POU6F2: variants seen among roughly 807,000 people sequenced by gnomAD.
POU6F2 encodes the protein POU domain, class 6, transcription factor 2.
In POU6F2, 31 loss-of-function variants were observed where a neutral mutation model predicts 71.3. The ratio of observed to expected loss-of-function variants is 0.43; its 90% CI spans 0.33 to 0.59. POU6F2 has a LOEUF of 0.59. Among genes scored for constraint, POU6F2 ranks in the 20% least tolerant of loss-of-function variants. POU6F2 has a pLI of 0.04. For missense variants in POU6F2, 783 were observed against 856.8 expected, an observed-to-expected ratio of 0.91 and a Z score of 1.07; for synonymous variants, 347 against 355.7, an observed-to-expected ratio of 0.98 and a Z score of 0.27.
At position 39,352,350 on chromosome 7, in the gene POU6F2, G is replaced by C. The variant is rs141715502; in HGVS notation, c.972+12335G>C. ...CATACCTGTCCCCACTGTCTTTCAT[G>C]CAGCAATCACAGTGCATTTGAGATT... On this transcript the variant is annotated intron_variant, in intron 5 of 9. Coordinates refer to ENST00000518318, the MANE Select transcript of POU6F2 (RefSeq NM_001370959.1). Among the ~76,000 whole-genome samples the C allele has an allele frequency of 4.6e-3, 699 of 152,288 alleles. 5 individuals are homozygous for C. Among genetic ancestry groups the C allele is most frequent in the African/African-American group, 0.014 (585 of 41,564 alleles).
At position 39,339,980 on chromosome 7, in the gene POU6F2, CT is replaced by C; in HGVS notation, c.938del (p.Leu313ArgfsTer18). The C allele has an allele frequency of 6.2e-7, 1 of 1,612,958 alleles. No individual in the cohort carries two copies. Among genetic ancestry groups the C allele is most frequent in the Middle Eastern group, 1.7e-4 (1 of 6,058 alleles). ...ACCTAGTCAGTCTCCAGGACATGGC[CT>C]GCCTTCACCGCTCACGCCACCCAAT... ...QKPSQSPGHG[L>X]PSPLTPPNPL... On this transcript the variant is annotated frameshift_variant, in exon 5 of 10. Coordinates refer to ENST00000518318, the MANE Select transcript of POU6F2 (RefSeq NM_001370959.1). LOFTEE classifies it high-confidence loss of function.
At chr7:39,396,416 C>G (rs1787175559) in intron 5 of POU6F2, among the ~76,000 whole-genome samples, 1 of 152,186 alleles carries the variant, frequency 6.6e-6, no homozygotes, top group South Asian at 2.1e-4. Flanking sequence ...TGCTCCCAAG[C>G]TCCCTAGGTG....
At chr7:39,134,792 T>C (rs1792356396) in intron 2 of POU6F2, among the ~76,000 whole-genome samples, 1 of 152,184 alleles carries the variant, frequency 6.6e-6, no homozygotes, top group Admixed American at 6.5e-5. Flanking sequence ...TAGTCTCTGT[T>C]CCGGAGATTC....
chr7:39,008,842 G>T (rs1219951535), intron 1 of POU6F2, among the ~76,000 whole-genome samples: 3 of 150,068 alleles, frequency 2.0e-5, no homozygotes, highest in African/African-American at 7.3e-5. Context: ...TAGATATGCG[G>T]CGTTATTTCT....
intron 2 of POU6F2, among the ~76,000 whole-genome samples, chr7:39,195,212 G>T (rs1793761176): frequency 6.6e-6 from 1 of 152,082 alleles, no homozygotes. Flanking sequence ...GCAGGTCCAC[G>T]GTCTGTGATC....
intron 4 of POU6F2, among the ~76,000 whole-genome samples, chr7:39,228,413 C>T (rs960976011): frequency 9.9e-5 from 15 of 152,174 alleles, no homozygotes; most frequent in African/African-American, 2.9e-4. Context: ...CCCACCAAAA[C>T]GTCCTCTAAC....
At chr7:39,094,855 T>C (rs1791424459) in intron 2 of POU6F2, among the ~76,000 whole-genome samples, 1 of 152,186 alleles carries the variant, frequency 6.6e-6, no homozygotes, top group Non-Finnish European at 1.5e-5. Context: ...GAAACCCACA[T>C]GTTCCTGTAT....
intron 7 of POU6F2, among the ~76,000 whole-genome samples, chr7:39,449,069 G>T (rs1788592450): frequency 6.6e-6 from 1 of 152,166 alleles, no homozygotes; most frequent in South Asian, 2.1e-4. Flanking sequence ...AACTGTCTTT[G>T]GTTTGTAATC....
At chr7:39,156,484 TA>T (rs1343137684) in intron 2 of POU6F2, among the ~76,000 whole-genome samples, 3 of 152,200 alleles carry the variant, frequency 2.0e-5, no homozygotes, top group African/African-American at 4.8e-5. Flanking sequence ...TAGGAAACTA[TA>T]CAGCATGAAA....
intron 4 of POU6F2, among the ~76,000 whole-genome samples, chr7:39,264,152 T>C (rs1784197912): frequency 6.6e-6 from 1 of 152,206 alleles, no homozygotes; most frequent in East Asian, 1.9e-4. Context: ...TGAGCCCAGC[T>C]TCCCCACTTC....
At chr7:39,147,205 C>T (rs749099521) in intron 2 of POU6F2, among the ~76,000 whole-genome samples, 13 of 152,078 alleles carry the variant, frequency 8.5e-5, no homozygotes, top group African/African-American at 1.2e-4. Flanking sequence ...GTTGTATATT[C>T]GGTTGGTACA....
At chr7:39,404,329 C>T (rs1787370530) in intron 5 of POU6F2, among the ~76,000 whole-genome samples, 1 of 152,216 alleles carries the variant, frequency 6.6e-6, no homozygotes, top group African/African-American at 2.4e-5. Context: ...CTGAACAACA[C>T]ACTAGTGTCC....
At chr7:39,186,364 C>T (rs145387022) in intron 2 of POU6F2, among the ~76,000 whole-genome samples, 57 of 152,268 alleles carry the variant, frequency 3.7e-4, no homozygotes, top group African/African-American at 1.3e-3. Flanking sequence ...TCTGAGCAAG[C>T]GTTTGCTACT....
chr7:39,398,051 C>T (rs1787214515), intron 5 of POU6F2, among the ~76,000 whole-genome samples: 1 of 151,370 alleles, frequency 6.6e-6, no homozygotes, highest in South Asian at 2.1e-4. Context: ...AAAAAAAAAA[C>T]ATTCAGACAA....
intron 5 of POU6F2, among the ~76,000 whole-genome samples, chr7:39,355,948 C>T (rs770080431): frequency 5.3e-5 from 8 of 152,074 alleles, no homozygotes; most frequent in Admixed American, 2.0e-4. Flanking sequence ...GAAGCTGTGT[C>T]CCTCAGGAAG....
intron 7 of POU6F2, among the ~76,000 whole-genome samples, chr7:39,444,242 T>A (rs1450769855): frequency 6.6e-6 from 1 of 152,148 alleles, no homozygotes; most frequent in East Asian, 1.9e-4. Context: ...TCCACAGTAT[T>A]ACATCAGAAA....
chr7:39,124,610 T>C (rs139778213), intron 2 of POU6F2, among the ~76,000 whole-genome samples: 82 of 152,336 alleles, frequency 5.4e-4, no homozygotes, highest in African/African-American at 1.9e-3. Context: ...ACACTCATAC[T>C]GAGCCCTCCT....
At chr7:39,248,739 A>G (rs1783862880) in intron 4 of POU6F2, among the ~76,000 whole-genome samples, 1 of 152,206 alleles carries the variant, frequency 6.6e-6, no homozygotes, top group South Asian at 2.1e-4. Context: ...AAGCAACCTT[A>G]ATACCATTAA....
Position 39,466,665 on chromosome 7 carries a change from A to G in POU6F2, c.*1979A>G, listed in dbSNP as rs1031639777. ...CTCCTTTGCTGTTTGTGTAAATGCT[A>G]CAGTATAATTGTCCCCTCCAATGAT... On this transcript the variant is annotated 3_prime_UTR_variant, in exon 10 of 10. Transcript: ENST00000518318. The G allele has an allele frequency of 6.6e-6, 1 of 152,212 alleles. No homozygotes were observed. Among genetic ancestry groups the G allele is most frequent in the Non-Finnish European group, 1.5e-5 (1 of 68,032 alleles). The allele number at this position is 152,212 out of a possible 1,614,324, so 9.4% of individuals were successfully genotyped here.
Sources: gnomAD v4.1 joint callset for allele counts (sites outside exome capture counted in the v4.1 genomes callset) on GRCh38, gnomAD v4.1.1 for gene constraint, MANE v1.5 for transcripts, NCBI Gene and HGNC (gene_info 2026-07-23, HGNC 2026-07-21) for gene names.